The following MARF1 variants were observed in gnomAD, a reference collection of about 807,000 sequenced individuals.
The protein encoded by MARF1 is limkain-b1.
In MARF1, 24 loss-of-function variants were observed where a neutral mutation model predicts 168.2. That is an observed-to-expected ratio of 0.14 (90% CI 0.10 to 0.20). MARF1 has a LOEUF of 0.20. Among genes scored for constraint, MARF1 ranks in the 10% least tolerant of loss-of-function variants. The pLI is 1.00. For missense variants in MARF1, 1,744 were observed against 2,143.6 expected, an observed-to-expected ratio of 0.81 and a Z score of 3.68; for synonymous variants, 868 against 822.4, an observed-to-expected ratio of 1.06 and a Z score of -0.95.
intron 15 of MARF1, 130 bp downstream of exon 15, chr16:15,616,922 G>A (rs1567555639): frequency 1.5e-6 from 2 of 1,325,082 alleles, no homozygotes; most frequent in Non-Finnish European, 2.1e-6. Flanking sequence ...TACTTTGACT[G>A]AAGGCTAAAC....
intron 26 of MARF1, among the ~76,000 whole-genome samples, chr16:15,598,648 G>C (rs2032024189): frequency 6.7e-6 from 1 of 149,858 alleles, no homozygotes; most frequent in Non-Finnish European, 1.5e-5. Flanking sequence ...AATCGCCCTT[G>C]CCTGATGCTC....
At chr16:15,628,808 G>C (rs1203623327) in intron 7 of MARF1, among the ~76,000 whole-genome samples, 1 of 151,618 alleles carries the variant, frequency 6.6e-6, no homozygotes, top group Non-Finnish European at 1.5e-5. Context: ...ATTACACCTG[G>C]GACTCAAAAC....
chr16:15,609,424 AC>A, intron 20 of MARF1, 98 bp downstream of exon 20: 1 of 927,936 alleles, frequency 1.1e-6, no homozygotes, highest in Non-Finnish European at 1.6e-6. Context: ...CTCTTTCGTA[AC>A]TCCCTACTTC....
At chr16:15,599,154 T>TAA (rs565989147) in intron 25 of MARF1, 130 bp from the exon 26 acceptor site, 13,743 of 294,104 alleles carry the variant, frequency 0.047, 471 homozygotes, top group African/African-American at 0.19. Flanking sequence ...TTTAAGGTAT[T>TAA]AAAAAAAAAA....
chr16:15,603,754 T>G (rs2032744740), intron 22 of MARF1, among the ~76,000 whole-genome samples: 1 of 122,518 alleles, frequency 8.2e-6, no homozygotes, highest in African/African-American at 2.7e-5. Flanking sequence ...GCGCCATTCT[T>G]GAAAGGCTGC....
chr16:15,602,831 T>C (rs1270513315), intron 22 of MARF1: 2 of 306,390 alleles, frequency 6.5e-6, no homozygotes, highest in Non-Finnish European at 1.3e-5. Flanking sequence ...ACTGGGGCCA[T>C]TAAACTGCAC....
chr16:15,636,434 T>C, intron 2 of MARF1, 92 bp from the exon 3 acceptor site: 1 of 833,814 alleles, frequency 1.2e-6, no homozygotes, highest in Non-Finnish European at 1.9e-6. Flanking sequence ...ACAGAAATAG[T>C]GTTCAATTCT....
At chr16:15,639,741 T>G (rs2035828993) in intron 1 of MARF1, among the ~76,000 whole-genome samples, 2 of 151,926 alleles carry the variant, frequency 1.3e-5, no homozygotes, top group Admixed American at 6.6e-5. Context: ...AATAATAAAA[T>G]AAAGAAAGAA....
Position 15,600,518 on chromosome 16 carries a change from G to C in MARF1, c.4723C>G (p.His1575Asp). The part of the protein sequence containing the change: ...LSSLSLSPAN[H>D]ENQPSEGERI... ...TCGCCCTCCGAGGGCTGGTTTTCAT[G>C]ATTGGCAGGGGAGAGACTGAGTGAA... The change falls in exon 25 of 27, where the codon CAT becomes GAT. Residue 1575 changes from histidine (H) to aspartate (D), a missense_variant. Transcript: ENST00000396368. 6.2e-7 allele frequency: 1 copy of C among 1,614,218 alleles called. No homozygotes were observed. The highest frequency in any genetic ancestry group is 8.5e-7 in the Non-Finnish European group (1 of 1,180,040).
chr16:15,597,339 A>G (rs1345759666), intron 26 of MARF1, among the ~76,000 whole-genome samples: 1 of 152,180 alleles, frequency 6.6e-6, no homozygotes, highest in Non-Finnish European at 1.5e-5. Context: ...GTGGGGTCGG[A>G]GCATCTGGGT....
At chr16:15,606,586 A>G (rs2033033973) in intron 21 of MARF1, among the ~76,000 whole-genome samples, 2 of 151,830 alleles carry the variant, frequency 1.3e-5, no homozygotes, top group Admixed American at 1.3e-4. Flanking sequence ...CTAGTGGAAA[A>G]CCACTCTTGG....
chr16:15,606,537 CT>C lies in MARF1; in HGVS notation c.4182+1753del, dbSNP rs540008220. 2.4e-3 allele frequency among the ~76,000 whole-genome samples: 359 copies of C among 152,226 alleles called. 1 individual carries two copies. The highest frequency in any genetic ancestry group is 8.4e-3 in the African/African-American group (350 of 41,528). ...CCCACTCCTAAGTCCTGAGCCCTGC[CT>C]CTCCTCTCTCTCTCTAAGCAGAGAT... is the stretch of plus-strand genomic sequence containing the variant. On this transcript the variant is annotated intron_variant, in intron 21 of 26. Transcript: ENST00000396368.
intron 23 of MARF1, chr16:15,600,963 T>C (rs755071608): frequency 1.6e-5 from 11 of 685,400 alleles, no homozygotes; most frequent in Non-Finnish European, 2.9e-5. Flanking sequence ...TTAAAAAGAC[T>C]GTCTTCCAAA....
At chr16:15,597,738 C>T (rs2151004446) in intron 26 of MARF1, among the ~76,000 whole-genome samples, 2 of 152,322 alleles carry the variant, frequency 1.3e-5, no homozygotes, top group South Asian at 2.1e-4. Flanking sequence ...TAATTATTTT[C>T]CTCTCTTGTC....
At chr16:15,598,337 T>G (rs2082657958) in intron 26 of MARF1, among the ~76,000 whole-genome samples, 1 of 152,192 alleles carries the variant, frequency 6.6e-6, no homozygotes, top group South Asian at 2.1e-4. Context: ...CTGTCAGCCC[T>G]GAGCACAGGG....
intron 26 of MARF1, among the ~76,000 whole-genome samples, chr16:15,598,237 G>A (rs1157429429): frequency 1.3e-5 from 2 of 152,198 alleles, no homozygotes. Flanking sequence ...CACCAGCTGT[G>A]CCTTAGTCAC....
At chr16:15,641,407 G>C (rs147588329) in intron 1 of MARF1, among the ~76,000 whole-genome samples, 1 of 152,126 alleles carries the variant, frequency 6.6e-6, no homozygotes, top group Non-Finnish European at 1.5e-5. Context: ...TCTCAAAATC[G>C]TAAGAATCTG....
chr16:15,603,692 T>G (rs1209152560), intron 22 of MARF1, among the ~76,000 whole-genome samples: 1 of 152,200 alleles, frequency 6.6e-6, no homozygotes, highest in Non-Finnish European at 1.5e-5. Context: ...TTTTTATATC[T>G]GTCGCCCGAG....
At chr16:15,620,652 T>G in intron 12 of MARF1, 121 bp from the exon 13 acceptor site, 1 of 624,908 alleles carries the variant, frequency 1.6e-6, no homozygotes, top group Non-Finnish European at 2.7e-6. Flanking sequence ...TTCTGGTATG[T>G]CAGAATGTAT....
Sources: gnomAD v4.1 joint callset for allele counts (sites outside exome capture counted in the v4.1 genomes callset) on GRCh38, gnomAD v4.1.1 for gene constraint, MANE v1.5 for transcripts, NCBI Gene and HGNC (gene_info 2026-07-23, HGNC 2026-07-21) for gene names.